The following ANKRD55 variants were observed in gnomAD, a reference collection of about 807,000 sequenced individuals.
ANKRD55 encodes the protein ankyrin repeat domain-containing protein 55.
Under a neutral mutation model 60.6 loss-of-function variants are expected in ANKRD55, and 41 were observed. The observed-to-expected ratio is 0.68, with a 90% CI of 0.53 to 0.88. ANKRD55 has a LOEUF of 0.88. Ranked by LOEUF, ANKRD55 falls within the 40% of genes least tolerant of loss-of-function variation. The pLI, the probability that ANKRD55 is intolerant of heterozygous loss-of-function variation, is 0.00. For synonymous variants in ANKRD55, 264 were observed against 290.3 expected (o/e 0.91, Z 0.92); for missense variants, 732 against 767.6 (o/e 0.95, Z 0.55).
At chr5:56,168,927 GC>G (rs1235882451) in intron 5 of ANKRD55, among the ~76,000 whole-genome samples, 1 of 152,252 alleles carries the variant, frequency 6.6e-6, no homozygotes, top group Admixed American at 6.5e-5. Flanking sequence ...TGCAAACTCA[GC>G]TCACTGCAAC....
chr5:56,161,173 T>C (rs1019772533), intron 5 of ANKRD55, among the ~76,000 whole-genome samples: 21 of 152,056 alleles, frequency 1.4e-4, no homozygotes, highest in African/African-American at 4.8e-4. Flanking sequence ...CACAAATACC[T>C]GGACTCTGTA....
At chr5:56,167,821 A>G (rs1561278563) in intron 5 of ANKRD55, among the ~76,000 whole-genome samples, 1 of 152,206 alleles carries the variant, frequency 6.6e-6, no homozygotes, top group South Asian at 2.1e-4. Context: ...GTCGAGGAGT[A>G]CTGATAAGCA....
In ANKRD55 at chr5:56,111,638, G is replaced by T; in HGVS notation, c.1110C>A (p.Tyr370Ter). Residue 370 changes from tyrosine (Y) to a stop codon, truncating the protein, a stop_gained, in exon 10 of 12, where the codon TAC becomes TAA. Coordinates refer to ENST00000341048, the MANE Select transcript of ANKRD55 (RefSeq NM_024669.3). LOFTEE classifies it high-confidence loss of function. ...AHQKDPSRDR[Y>*]REEDTSEVND... ...TGACTTCTGAGGTGTCCTCCTCTCT[G>T]TATCGGTCCCTGCTGGGATCCTTCT... 2 of 1,555,218 alleles carry T rather than the reference G, an allele frequency of 1.3e-6. No homozygotes were observed. Among genetic ancestry groups the T allele is most frequent in the East Asian group, 2.2e-5 (1 of 44,640 alleles).
At chr5:56,198,937 G>A (rs190452561) in intron 2 of ANKRD55, among the ~76,000 whole-genome samples, 13 of 152,038 alleles carry the variant, frequency 8.6e-5, no homozygotes, top group African/African-American at 2.2e-4. Context: ...AAATTTAGCC[G>A]GGCGTGGTGG....
At position 56,166,143 on chromosome 5, in the gene ANKRD55, TTTCTTTCTTTC is replaced by T. The variant is rs1343733530; in HGVS notation, c.422+4540_422+4550del. Among the ~76,000 whole-genome samples the T allele has an allele frequency of 1.4e-3, 138 of 98,882 alleles. 1 individual carries two copies. The highest frequency in any genetic ancestry group is 6.0e-3 in the African/African-American group (98 of 16,376). 64.9% of individuals were successfully genotyped at this position (98,882 alleles called of 152,430 possible). A position where few individuals can be genotyped will look rare whatever the true frequency, so the allele number is the denominator to read the frequency against. On this transcript the variant is annotated intron_variant, in intron 5 of 11. Transcript: ENST00000341048. ...CTTTCTTTCTTTCTTTCTTTCTTTCTTTCTTTCTTTCTTCTTTCCTTCCTTCCTTCCTTCCT... is the reference window on the plus strand; with the variant it reads ...CTTTCTTTCTTTCTTTCTTTCTTTCTTTCTTTCCTTCCTTCCTTCCTTCCT...
chr5:56,168,403 G>C (rs1758533741), intron 5 of ANKRD55, among the ~76,000 whole-genome samples: 1 of 152,132 alleles, frequency 6.6e-6, no homozygotes, highest in Non-Finnish European at 1.5e-5. Context: ...AGTCACTTAG[G>C]AGACAGCTCG....
chr5:56,108,648 T>C (rs953370601), intron 10 of ANKRD55, among the ~76,000 whole-genome samples: 1 of 152,210 alleles, frequency 6.6e-6, no homozygotes, highest in Non-Finnish European at 1.5e-5. Context: ...ACTGGGCACA[T>C]GTCAAAGGGT....
intron 2 of ANKRD55, among the ~76,000 whole-genome samples, chr5:56,200,395 T>C (rs1759336562): frequency 6.6e-6 from 1 of 152,204 alleles, no homozygotes; most frequent in Non-Finnish European, 1.5e-5. Flanking sequence ...AGCCTTAAGA[T>C]CATTTCTTTC....
At chr5:56,184,918 A>C (rs966717722) in intron 2 of ANKRD55, among the ~76,000 whole-genome samples, 1 of 151,798 alleles carries the variant, frequency 6.6e-6, no homozygotes, top group Non-Finnish European at 1.5e-5. Context: ...AAAGGCGACA[A>C]CAGAACTATG....
chr5:56,166,196 TCC>T lies in ANKRD55; in HGVS notation c.422+4496_422+4497del, dbSNP rs1491369867. Among the ~76,000 whole-genome samples, 142 of 117,230 alleles carry T rather than the reference TCC, an allele frequency of 1.2e-3. 18 individuals carry two copies. The highest frequency in any genetic ancestry group is 5.6e-3 in the African/African-American group (133 of 23,744). The allele number at this position is 117,230 out of a possible 152,430, so 76.9% of individuals were successfully genotyped here. On this transcript the variant is annotated intron_variant, in intron 5 of 11. Transcript: ENST00000341048. ...TTCCTTCCTTCCTTCCTTCCTTCCT[TCC>T]TTCTCTCTCTCTCTCTCTCTTTCTT...
chr5:56,127,640 G>GAC, intron 7 of ANKRD55: 1 of 883,554 alleles, frequency 1.1e-6, no homozygotes, highest in Non-Finnish European at 1.4e-6. Flanking sequence ...GGGAGCCTGG[G>GAC]AAGCAGAACT....
At chr5:56,122,351 T>C (rs1561257007) in intron 8 of ANKRD55, among the ~76,000 whole-genome samples, 1 of 152,124 alleles carries the variant, frequency 6.6e-6, no homozygotes, top group Non-Finnish European at 1.5e-5. Flanking sequence ...ATAGTTGTAT[T>C]CAAGATTGAA....
At chr5:56,161,876 T>A in intron 5 of ANKRD55, 1 of 625,376 alleles carries the variant, frequency 1.6e-6, no homozygotes, top group Non-Finnish European at 2.0e-6. Context: ...TAGGAAGACA[T>A]ATAAAAATAA....
chr5:56,130,762 C>T (rs566058127), intron 7 of ANKRD55, among the ~76,000 whole-genome samples: 13 of 152,074 alleles, frequency 8.5e-5, no homozygotes, highest in South Asian at 2.1e-4. Flanking sequence ...AACAGATGGG[C>T]GATGTAAGCA....
intron 2 of ANKRD55, chr5:56,192,690 C>A: frequency 7.6e-7 from 1 of 1,319,760 alleles, no homozygotes; most frequent in Non-Finnish European, 1.1e-6. Context: ...GATCCTCATG[C>A]GAGGCATTCA....
At chr5:56,104,160 T>C (rs573407361) in intron 10 of ANKRD55, among the ~76,000 whole-genome samples, 1 of 152,338 alleles carries the variant, frequency 6.6e-6, no homozygotes, top group African/African-American at 2.4e-5. Context: ...TGAGTTATGT[T>C]TATGGAACAC....
chr5:56,136,728 C>T (rs567208706), intron 7 of ANKRD55, among the ~76,000 whole-genome samples: 3 of 151,998 alleles, frequency 2.0e-5, no homozygotes, highest in Non-Finnish European at 4.4e-5. Context: ...CAAGACCAGC[C>T]TAGGCAACAT....
chr5:56,222,567 G>A (rs1759994397), intron 2 of ANKRD55, among the ~76,000 whole-genome samples: 1 of 152,164 alleles, frequency 6.6e-6, no homozygotes, highest in South Asian at 2.1e-4. Context: ...AGCTAAAGGA[G>A]GATGTTCGAA....
rs1017472830 is a variant in ANKRD55 at position 56,151,824 on chromosome 5, A to ATCT, written c.484-7896_484-7895insAGA. 7.9e-3 allele frequency among the ~76,000 whole-genome samples: 425 copies of ATCT among 53,830 alleles called. 3 individuals are homozygous for ATCT. Among genetic ancestry groups the ATCT allele is most frequent in the African/African-American group, 0.028 (402 of 14,112 alleles). 35.3% of individuals were successfully genotyped at this position (53,830 alleles called of 152,430 possible). On this transcript the variant is annotated intron_variant, in intron 6 of 11. Transcript: ENST00000341048. ...TGAGACCACATCTCGGAAAAAAAAA[A>ATCT]ATCTATATATATATATGTGTGTGTG...
Sources: allele counts gnomAD v4.1 joint callset (sites outside exome capture counted in the v4.1 genomes callset), GRCh38; gene constraint gnomAD v4.1.1; transcripts MANE v1.5; gene names NCBI Gene and HGNC (gene_info 2026-07-23, HGNC 2026-07-21).